The following NR3C1 variants were observed in gnomAD, a reference collection of about 807,000 sequenced individuals.
The protein encoded by NR3C1 is glucocorticoid receptor.
In NR3C1, 14 loss-of-function variants were observed where a neutral mutation model predicts 74.0. The ratio of observed to expected loss-of-function variants is 0.19; its 90% CI spans 0.12 to 0.30. NR3C1 has a LOEUF of 0.30. Ranked by LOEUF, NR3C1 falls within the 10% of genes least tolerant of loss-of-function variation. NR3C1 has a pLI of 1.00. For missense variants in NR3C1, 695 were observed against 909.8 expected (o/e 0.76, Z 3.04); for synonymous variants, 308 against 332.5 (o/e 0.93, Z 0.80).
At chr5:143,339,217 A>G (rs1827750118) in intron 2 of NR3C1, among the ~76,000 whole-genome samples, 1 of 151,994 alleles carries the variant, frequency 6.6e-6, no homozygotes, top group African/African-American at 2.4e-5. Flanking sequence ...GTTCATTCTC[A>G]TGTACATATG....
chr5:143,401,087 G>A lies in NR3C1; in HGVS notation c.-13-235C>T, dbSNP rs553574517. Among the ~76,000 whole-genome samples the A allele has an allele frequency of 3.9e-5, 6 of 152,296 alleles. No individual in the cohort carries two copies. The South Asian group carries it at 1.2e-3, about 32-fold the overall frequency. On this transcript the variant is annotated intron_variant, in intron 1 of 8. Coordinates refer to ENST00000394464, the MANE Select transcript of NR3C1 (RefSeq NM_000176.3). ...CAATGCAATCCATTTGCACAGCTGA[G>A]GGCAAAAGTGTATCGAACTAAGCTT... is the stretch of plus-strand genomic sequence containing the variant.
intron 2 of NR3C1, among the ~76,000 whole-genome samples, chr5:143,319,522 T>A (rs1335869451): frequency 6.6e-6 from 1 of 152,206 alleles, no homozygotes; most frequent in African/African-American, 2.4e-5. Flanking sequence ...AATATTCCCA[T>A]TGGCTTGTCA....
intron 7 of NR3C1, among the ~76,000 whole-genome samples, chr5:143,288,463 T>C (rs1308107310): frequency 1.3e-5 from 2 of 151,872 alleles, no homozygotes; most frequent in East Asian, 1.9e-4. Context: ...AATGGATCTA[T>C]AGATTCAAGG....
intron 7 of NR3C1, among the ~76,000 whole-genome samples, chr5:143,290,925 T>C (rs1314853854): frequency 1.3e-5 from 2 of 152,216 alleles, no homozygotes; most frequent in African/African-American, 4.8e-5. Context: ...CTAATGTACC[T>C]TATCTGTTAC....
chr5:143,351,959 A>G (rs1442449076), intron 2 of NR3C1, among the ~76,000 whole-genome samples: 1 of 152,212 alleles, frequency 6.6e-6, no homozygotes, highest in African/African-American at 2.4e-5. Flanking sequence ...CAGATGAGAG[A>G]GACCTATAAC....
chr5:143,332,992 T>C (rs1826319715), intron 2 of NR3C1: 2 of 1,586,454 alleles, frequency 1.3e-6, no homozygotes, highest in South Asian at 1.1e-5. Flanking sequence ...AATAAGACCA[T>C]CCCTCTGACA....
intron 2 of NR3C1, among the ~76,000 whole-genome samples, chr5:143,363,703 AATG>A (rs1407538661): frequency 6.6e-6 from 1 of 152,236 alleles, no homozygotes; most frequent in Admixed American, 6.5e-5. Flanking sequence ...TAAAGATAGC[AATG>A]ATAAAACTGA....
chr5:143,404,291 C>G, upstream of NR3C1: 1 of 985,670 alleles, frequency 1.0e-6, no homozygotes, highest in Non-Finnish European at 1.2e-6. Flanking sequence ...AGCGTCTCGG[C>G]CGCGCTCGGG....
At chr5:143,345,546 C>T (rs900860585) in intron 2 of NR3C1, among the ~76,000 whole-genome samples, 3 of 152,118 alleles carry the variant, frequency 2.0e-5, no homozygotes, top group Non-Finnish European at 2.9e-5. Flanking sequence ...ATAAAGTCTG[C>T]GATAATCATT....
chr5:143,331,264 T>C (rs545047003), intron 2 of NR3C1, among the ~76,000 whole-genome samples: 8 of 152,236 alleles, frequency 5.3e-5, no homozygotes, highest in African/African-American at 1.9e-4. Context: ...ACAGCTATTA[T>C]TAAAAAGTCA....
intron 7 of NR3C1, among the ~76,000 whole-genome samples, chr5:143,293,629 T>C (rs1816444422): frequency 6.6e-6 from 1 of 152,234 alleles, no homozygotes; most frequent in Admixed American, 6.5e-5. Flanking sequence ...TGAGTTCCAC[T>C]TATCTCTGTA....
chr5:143,351,213 A>G (rs1438966377), intron 2 of NR3C1, among the ~76,000 whole-genome samples: 1 of 152,164 alleles, frequency 6.6e-6, no homozygotes, highest in Non-Finnish European at 1.5e-5. Flanking sequence ...TACAACTGCC[A>G]GAGTAATATT....
rs757831210 is a variant in NR3C1, at chr5:143,281,990, T to C, written c.2233A>G (p.Met745Val). The change falls in exon 9 of 9, where the codon ATG (methionine) becomes GTG (valine). Residue 745 changes from methionine to valine, a missense_variant. By Grantham distance (21) the Met-to-Val change is conservative. This residue lies in a region of NR3C1 where 133 missense variants were observed against 287.9 expected (regional missense o/e 0.46). Transcript: ENST00000394464. ...AACATCTCGGGGAATTCAATACTCATGGTCTTATCCAAAAATGTTTGGAAG... is the reference window on the plus strand; with the variant it reads ...AACATCTCGGGGAATTCAATACTCACGGTCTTATCCAAAAATGTTTGGAAG... ...YCFQTFLDKT[M>V]SIEFPEMLAE... The C allele has an allele frequency of 1.2e-6, 2 of 1,613,720 alleles. No homozygotes were observed. Among genetic ancestry groups the C allele is most frequent in the Non-Finnish European group, 1.7e-6 (2 of 1,179,754 alleles).
At chr5:143,316,638 G>A (rs765025761) in intron 2 of NR3C1, among the ~76,000 whole-genome samples, 11 of 152,032 alleles carry the variant, frequency 7.2e-5, no homozygotes, top group Non-Finnish European at 1.5e-4. Flanking sequence ...GTTACCTTGG[G>A]TAGGTATCTA....
At chr5:143,415,386 G>A (rs1229722841) in intron 1 of NR3C1, among the ~76,000 whole-genome samples, 1 of 152,088 alleles carries the variant, frequency 6.6e-6, no homozygotes. Context: ...ATTAGTTAAC[G>A]ATTACAAAAT....
chr5:143,402,003 G>A (rs978962308), intron 1 of NR3C1, among the ~76,000 whole-genome samples: 3 of 152,132 alleles, frequency 2.0e-5, no homozygotes, highest in African/African-American at 7.2e-5. Context: ...GTCAAATCCC[G>A]TCCAATAAAA....
intron 2 of NR3C1, among the ~76,000 whole-genome samples, chr5:143,384,743 A>G (rs1381407947): frequency 6.6e-6 from 1 of 152,224 alleles, no homozygotes; most frequent in Non-Finnish European, 1.5e-5. Context: ...CAGACCCTGC[A>G]GCTGCTTTCA....
Position 143,300,407 on chromosome 5 carries a change from T to G in NR3C1, c.1747+78A>C. On this transcript the variant is annotated intron_variant, in intron 5 of 8. Coordinates refer to ENST00000394464, the MANE Select transcript of NR3C1 (RefSeq NM_000176.3). The surrounding 1 kb of genome is among the most constrained non-coding windows in gnomAD (Gnocchi z 5.2). ...AACAAGATAAGCCATGGGCTCACGA[T>G]GATATAAAAGCCAAAGTGTTTTTGC... is the stretch of plus-strand genomic sequence containing the variant. The G allele has an allele frequency of 3.2e-6, 5 of 1,567,860 alleles. No homozygotes were observed. Among genetic ancestry groups the G allele is most frequent in the Non-Finnish European group, 4.4e-6 (5 of 1,139,878 alleles).
chr5:143,370,870 G>A (rs748862011), intron 2 of NR3C1, among the ~76,000 whole-genome samples: 5 of 152,214 alleles, frequency 3.3e-5, no homozygotes, highest in Non-Finnish European at 5.9e-5. Context: ...CCTATAAGTG[G>A]TTGGAAGCTT....
Sources: gnomAD v4.1 joint callset for allele counts (sites outside exome capture counted in the v4.1 genomes callset) on GRCh38, gnomAD v4.1.1 for gene constraint, gnomAD v4.1.1 regional missense constraint, Gnocchi (gnomAD v3.1) non-coding constraint, MANE v1.5 for transcripts, NCBI Gene and HGNC (gene_info 2026-07-23, HGNC 2026-07-21) for gene names.